Variants in C1orf52 observed in about 807,000 individuals in gnomAD.
C1orf52 encodes the protein UPF0690 protein C1orf52.
In C1orf52, 5 loss-of-function variants were observed where a neutral mutation model predicts 17.2. The observed-to-expected ratio is 0.29, with a 90% CI of 0.15 to 0.61. The LOEUF is 0.61. Among genes scored for constraint, C1orf52 ranks in the 20% least tolerant of loss-of-function variants. C1orf52 has a pLI of 0.85. For synonymous variants in C1orf52, 110 were observed against 88.0 expected (o/e 1.25, Z -1.40); for missense variants, 245 against 234.1 (o/e 1.05, Z -0.30).
chr1:85,256,967 T>C (rs1436917740), intron 2 of C1orf52, among the ~76,000 whole-genome samples: 1 of 152,122 alleles, frequency 6.6e-6, no homozygotes, highest in Non-Finnish European at 1.5e-5. Context: ...AAAAGCTAGG[T>C]AGAATCAAAA....
rs1386671699 is a variant in C1orf52 at position 85,250,450 on chromosome 1, G to C, written c.*2179C>G. ...CACCTCAGTACCCACATGGACACTTGTGCAAACACGTTCCCAGGACATCTC... is the reference window on the plus strand; with the variant it reads ...CACCTCAGTACCCACATGGACACTTCTGCAAACACGTTCCCAGGACATCTC... On this transcript the variant is annotated 3_prime_UTR_variant, in exon 3 of 3. Coordinates refer to ENST00000471115, the MANE Select transcript of C1orf52 (RefSeq NM_198077.4). 6.6e-6 allele frequency: 1 copy of C among 152,170 alleles called. No individual in the cohort carries two copies. Among genetic ancestry groups the C allele is most frequent in the Non-Finnish European group, 1.5e-5 (1 of 68,056 alleles). 9.4% of individuals were successfully genotyped at this position (152,170 alleles called of 1,614,324 possible).
intron 2 of C1orf52, among the ~76,000 whole-genome samples, chr1:85,253,125 G>A (rs1037145208): frequency 6.6e-6 from 1 of 152,082 alleles, no homozygotes; most frequent in Non-Finnish European, 1.5e-5. Context: ...GTGATAAGCA[G>A]AAAAGAAGGA....
At chr1:85,258,493 T>G in intron 2 of C1orf52, 31 bp downstream of exon 2, 1 of 1,576,400 alleles carries the variant, frequency 6.3e-7, no homozygotes, top group Non-Finnish European at 8.7e-7. Context: ...GGGATCAAAA[T>G]AGACCACCAT....
In C1orf52 at chr1:85,251,076, ACT is replaced by A. The variant is rs1659790169; in HGVS notation, c.*1551_*1552del. On this transcript the variant is annotated 3_prime_UTR_variant, in exon 3 of 3. Coordinates refer to ENST00000471115, the MANE Select transcript of C1orf52 (RefSeq NM_198077.4). ...ACAAAGCACCATGGCTGATGCAATC[ACT>A]CTTAATGACTTTTATGAATTTTAAT... is the stretch of plus-strand genomic sequence containing the variant. The A allele has an allele frequency of 6.6e-6, 1 of 152,114 alleles. No individual in the cohort carries two copies. The highest frequency in any genetic ancestry group is 1.5e-5 in the Non-Finnish European group (1 of 68,032). The allele number at this position is 152,114 out of a possible 1,614,324, so 9.4% of individuals were successfully genotyped here. A position where few individuals can be genotyped will look rare whatever the true frequency, so the allele number is the denominator to read the frequency against.
Position 85,250,800 on chromosome 1 carries a change from T to G in C1orf52, c.*1829A>C, listed in dbSNP as rs1557776754. 6.6e-6 allele frequency: 1 copy of G among 152,244 alleles called. No homozygotes were observed. 9.4% of individuals were successfully genotyped at this position (152,244 alleles called of 1,614,324 possible). A position where few individuals can be genotyped will look rare whatever the true frequency, so the allele number is the denominator to read the frequency against. ...ACTTCACAAATATAACTTGATTTGG[T>G]TGTGTTTGGTGTCATGTACATACTA... On this transcript the variant is annotated 3_prime_UTR_variant, in exon 3 of 3. Coordinates refer to ENST00000471115, the MANE Select transcript of C1orf52 (RefSeq NM_198077.4).
chr1:85,257,178 C>T (rs912944893), intron 2 of C1orf52, among the ~76,000 whole-genome samples: 3 of 152,150 alleles, frequency 2.0e-5, no homozygotes, highest in Admixed American at 6.5e-5. Context: ...ACAATGTACT[C>T]GATACAAACA....
At chr1:85,257,648 G>C (rs1398553272) in intron 2 of C1orf52, among the ~76,000 whole-genome samples, 1 of 152,194 alleles carries the variant, frequency 6.6e-6, no homozygotes, top group Non-Finnish European at 1.5e-5. Context: ...AGAATGTGTA[G>C]GCAAAGATTA....
At position 85,259,653 on chromosome 1, in the gene C1orf52, C is replaced by G; in HGVS notation, c.-20G>C. The G allele has an allele frequency of 1.3e-6, 2 of 1,511,176 alleles. No homozygotes were observed. Among genetic ancestry groups the G allele is most frequent in the South Asian group, 1.2e-5 (1 of 80,926 alleles). The allele number at this position is 1,511,176 out of a possible 1,614,324, so 93.6% of individuals were successfully genotyped here. On this transcript the variant is annotated 5_prime_UTR_variant, in exon 1 of 3. Coordinates refer to ENST00000471115, the MANE Select transcript of C1orf52 (RefSeq NM_198077.4). The stretch of plus-strand genomic sequence containing the variant: ...TGCCATGACGGCTGCGAGCGACAAC[C>G]CAGCACTCCGCCGGAAGCCGGAAAC...
rs1659823490 is a variant in C1orf52, at chr1:85,252,502, T to C, written c.*127A>G. ...CTATAGTGGAAAGTTCTTGAGGCAA[T>C]ACTTATTAGTTCATTAACGTATGCA... On this transcript the variant is annotated 3_prime_UTR_variant, in exon 3 of 3. Coordinates refer to ENST00000471115, the MANE Select transcript of C1orf52 (RefSeq NM_198077.4). 4.1e-6 allele frequency: 3 copies of C among 724,874 alleles called. No individual in the cohort carries two copies. Among genetic ancestry groups the C allele is most frequent in the Non-Finnish European group, 7.0e-6 (3 of 426,644 alleles). 44.9% of individuals were successfully genotyped at this position (724,874 alleles called of 1,614,324 possible).
intron 2 of C1orf52, among the ~76,000 whole-genome samples, chr1:85,257,002 TCTC>T (rs571023620): frequency 1.3e-5 from 2 of 152,110 alleles, no homozygotes; most frequent in Non-Finnish European, 2.9e-5. Flanking sequence ...GCCAATCAGT[TCTC>T]CTTTCTCTTA....
rs779896439 is a variant in C1orf52, at chr1:85,258,761, G to A, written c.277-39C>T. 7 of 1,541,658 alleles carry A rather than the reference G, an allele frequency of 4.5e-6. No individual in the cohort carries two copies. The African/African-American group carries it at 5.5e-5, about 12-fold the overall frequency. On this transcript the variant is annotated intron_variant, in intron 1 of 2. Transcript: ENST00000471115. ...ACATTAAGAAGCACTGTGACGAACCGAGGTTCCTACGATGGACGTGGGCAC... is the reference window on the plus strand; with the variant it reads ...ACATTAAGAAGCACTGTGACGAACCAAGGTTCCTACGATGGACGTGGGCAC...
intron 2 of C1orf52, among the ~76,000 whole-genome samples, chr1:85,253,859 A>G (rs1385856662): frequency 6.6e-6 from 1 of 152,218 alleles, no homozygotes; most frequent in African/African-American, 2.4e-5. Context: ...ATATAGACAG[A>G]GTAACATGGA....
rs111657378 is a variant in C1orf52, at chr1:85,252,680, A to G, written c.498T>C (p.Thr166=). The G allele has an allele frequency of 1.2e-6, 2 of 1,613,122 alleles. No individual in the cohort carries two copies. The highest frequency in any genetic ancestry group is 1.7e-6 in the Non-Finnish European group (2 of 1,179,426). The change falls in exon 3 of 3, where the codon ACT becomes ACC. Residue 166 remains threonine (T), a synonymous_variant. Coordinates refer to ENST00000471115, the MANE Select transcript of C1orf52 (RefSeq NM_198077.4). ...LESDDEKDEH[T]SKKRKVEPGE... is the part of the protein sequence containing the mutation. ...CTGGCTCTACTTTGCGCTTTTTAGA[A>G]GTATGCTCATCTTTTTCATCATCTT...
rs1226750665 is a variant in C1orf52 at position 85,252,453 on chromosome 1, C to G, written c.*176G>C. ...TCACCAGTTGAGTTTTAAATACATA[C>G]ATGTTTTAAATAAAAAAAGAATTCT... On this transcript the variant is annotated 3_prime_UTR_variant, in exon 3 of 3. Transcript: ENST00000471115. The G allele has an allele frequency of 1.8e-6, 1 of 558,942 alleles. No homozygotes were observed. The highest frequency in any genetic ancestry group is 3.1e-6 in the Non-Finnish European group (1 of 318,884). The allele number at this position is 558,942 out of a possible 1,614,324, so 34.6% of individuals were successfully genotyped here.
At chr1:85,257,361 G>A in intron 2 of C1orf52, 1 of 662,486 alleles carries the variant, frequency 1.5e-6, no homozygotes, top group Non-Finnish European at 2.7e-6. Context: ...TTTGAAGGAT[G>A]AATTAGTTTA....
In C1orf52 at chr1:85,252,683, A is replaced by T. The variant is rs753389302; in HGVS notation, c.495T>A (p.His165Gln). ...TLESDDEKDE[H>Q]TSKKRKVEPG... Reference sequence around the variant, plus strand: ...GCTCTACTTTGCGCTTTTTAGAAGTATGCTCATCTTTTTCATCATCTTTAA... The same window carrying T: ...GCTCTACTTTGCGCTTTTTAGAAGTTTGCTCATCTTTTTCATCATCTTTAA... The change falls in exon 3 of 3, where the codon CAT becomes CAA. Residue 165 changes from histidine (H) to glutamine (Q), a missense_variant. By Grantham distance (24) the His-to-Gln change is conservative. Transcript: ENST00000471115. The T allele has an allele frequency of 6.3e-5, 101 of 1,612,744 alleles. No homozygotes were observed. Among genetic ancestry groups the T allele is most frequent in the Non-Finnish European group, 8.1e-5 (95 of 1,179,286 alleles).
rs1001527180 is a variant in C1orf52, at chr1:85,259,142, C to G, written c.276+216G>C. The G allele has an allele frequency of 7.4e-6, 9 of 1,213,438 alleles. No individual in the cohort carries two copies. The African/African-American group carries it at 1.2e-4, about 17-fold the overall frequency. The allele number at this position is 1,213,438 out of a possible 1,614,324, so 75.2% of individuals were successfully genotyped here. On this transcript the variant is annotated intron_variant, in intron 1 of 2. Transcript: ENST00000471115. The stretch of plus-strand genomic sequence containing the variant: ...GGGCACCGAGCGCGGAGGTTTGGGT[C>G]TCCTCACAAGGGGCGGGGCTGCGGG...
intron 2 of C1orf52, among the ~76,000 whole-genome samples, chr1:85,254,631 TCCA>T (rs1364225077): frequency 6.6e-6 from 1 of 152,188 alleles, no homozygotes; most frequent in Non-Finnish European, 1.5e-5. Flanking sequence ...GACCTCGTGA[TCCA>T]CCCACCTCGG....
Position 85,258,609 on chromosome 1 carries a change from G to A in C1orf52, c.390C>T (p.Asn130=), listed in dbSNP as rs757681807. 6.2e-7 allele frequency: 1 copy of A among 1,614,054 alleles called. No homozygotes were observed. Among genetic ancestry groups the A allele is most frequent in the Non-Finnish European group, 8.5e-7 (1 of 1,179,970 alleles). ...CATCATCACCATTGTCCTCATATATGTTAGACCATTTTATTGCCATGTCAA... is the reference window on the plus strand; with the variant it reads ...CATCATCACCATTGTCCTCATATATATTAGACCATTTTATTGCCATGTCAA... ...PELDMAIKWS[N]IYEDNGDDAP... is the part of the protein sequence containing the mutation. Residue 130 remains asparagine, a synonymous_variant, in exon 2 of 3, where the codon AAC becomes AAT. Coordinates refer to ENST00000471115, the MANE Select transcript of C1orf52 (RefSeq NM_198077.4).
Sources: gnomAD v4.1 joint callset for allele counts (sites outside exome capture counted in the v4.1 genomes callset) on GRCh38, gnomAD v4.1.1 for gene constraint, MANE v1.5 for transcripts, NCBI Gene and HGNC (gene_info 2026-07-23, HGNC 2026-07-21) for gene names.